The following C1QTNF9 variants were observed in gnomAD, a reference collection of about 807,000 sequenced individuals.
The protein encoded by C1QTNF9 is complement C1q and tumor necrosis factor-related protein 9A.
In C1QTNF9, 6 loss-of-function variants were observed where a neutral mutation model predicts 10.1. The observed-to-expected ratio is 0.59, with a 90% CI of 0.32 to 1.17. The LOEUF is 1.17. C1QTNF9 is among the 50% of genes most tolerant of loss of function. The pLI is 0.04. For synonymous variants in C1QTNF9, 98 were observed against 163.5 expected, an observed-to-expected ratio of 0.60 and a Z score of 3.06; for missense variants, 201 against 418.8, an observed-to-expected ratio of 0.48 and a Z score of 4.54.
chr13:24,319,940 T>G (rs546967109), intron 3 of C1QTNF9, among the ~76,000 whole-genome samples: 1 of 152,242 alleles, frequency 6.6e-6, no homozygotes, highest in Admixed American at 6.5e-5. Context: ...TGTGTGCATA[T>G]GGGGACAGAA....
chr13:24,318,228 T>G (rs1314457138), intron 2 of C1QTNF9, among the ~76,000 whole-genome samples: 1 of 152,174 alleles, frequency 6.6e-6, no homozygotes, highest in East Asian at 1.9e-4. Context: ...AGGACTTGAG[T>G]GTAGTCAGCA....
intron 1 of C1QTNF9, among the ~76,000 whole-genome samples, chr13:24,313,060 A>G (rs1284847732): frequency 1.3e-5 from 2 of 152,152 alleles, no homozygotes; most frequent in Non-Finnish European, 2.9e-5. Flanking sequence ...TTAAGCCTAG[A>G]AGTTCGAGTC....
intron 1 of C1QTNF9, among the ~76,000 whole-genome samples, chr13:24,312,100 G>T (rs1443778572): frequency 6.6e-6 from 1 of 152,192 alleles, no homozygotes; most frequent in African/African-American, 2.4e-5. Context: ...GAGATTACTA[G>T]CAACTCCACG....
intron 2 of C1QTNF9, among the ~76,000 whole-genome samples, chr13:24,316,563 G>A (rs1477551685): frequency 6.6e-6 from 1 of 152,214 alleles, no homozygotes; most frequent in East Asian, 1.9e-4. Flanking sequence ...ATCTGATCAC[G>A]AATTATTTGG....
intron 1 of C1QTNF9, among the ~76,000 whole-genome samples, chr13:24,315,342 G>A (rs1877983581): frequency 6.6e-6 from 1 of 152,136 alleles, no homozygotes; most frequent in Non-Finnish European, 1.5e-5. Context: ...TTCGCATAAT[G>A]TTCTCGAGGT....
chr13:24,310,740 C>T (rs975522224), intron 1 of C1QTNF9, among the ~76,000 whole-genome samples: 7 of 151,100 alleles, frequency 4.6e-5, no homozygotes, highest in Admixed American at 2.6e-4. Context: ...GGTGAAACCC[C>T]GTCTCTACTA....
At chr13:24,314,378 G>GA (rs758750643) in intron 1 of C1QTNF9, among the ~76,000 whole-genome samples, 17,918 of 121,822 alleles carry the variant, frequency 0.15, 1,196 homozygotes, top group Middle Eastern at 0.3. Context: ...TCTCTCCAAA[G>GA]AAAAAAAAAA....
chr13:24,312,929 T>A (rs1410325300), intron 1 of C1QTNF9, among the ~76,000 whole-genome samples: 1 of 138,250 alleles, frequency 7.2e-6, no homozygotes, highest in East Asian at 2.1e-4. Context: ...CACTCCAGCC[T>A]GGGCGACAGA....
Position 24,314,673 on chromosome 13 carries a change from GAAAAC to G in C1QTNF9, c.-22-1293_-22-1289del, listed in dbSNP as rs550750409. 2.6e-5 allele frequency among the ~76,000 whole-genome samples: 4 copies of G among 151,694 alleles called. No homozygotes were observed. In the East Asian group the frequency reaches 7.7e-4, roughly 29 times the overall value. ...GGCCACAAGGGCGAAACTGCATCTC[GAAAAC>G]AAAACAAAACAAAACCAAACCCAGG... On this transcript the variant is annotated intron_variant, in intron 1 of 3. Coordinates refer to ENST00000332018, the Ensembl canonical transcript of C1QTNF9.
chr13:24,321,647 A>C (rs1264108740), exon 4 of C1QTNF9: 1 of 1,614,112 alleles, frequency 6.2e-7, no homozygotes, highest in African/African-American at 1.3e-5. Context: ...ATTGTCCTGC[A>C]GCTGAAGCTC....
At chr13:24,309,727 C>G (rs1451419697) in intron 1 of C1QTNF9, 111 bp downstream of exon 1, 2 of 152,096 alleles carry the variant, frequency 1.3e-5, no homozygotes, top group Non-Finnish European at 2.9e-5. Flanking sequence ...GCAAAATAGT[C>G]AGATGTCTAT....
rs149229970 is a variant in C1QTNF9, at chr13:24,321,512, A to G, written c.746A>G (p.Tyr249Cys). The change falls in exon 4 of 4, where the codon TAT (tyrosine) becomes TGT (cysteine). Residue 249 changes from tyrosine to cysteine, a missense_variant. Transcript: ENST00000332018. ...TTCACGTGCCACATTGCTGGGGTCT[A>G]TTACTTCACCTACCACATCACTGTT... 12 of 1,613,568 alleles carry G rather than the reference A, an allele frequency of 7.4e-6. No homozygotes were observed. The highest frequency in any genetic ancestry group is 3.3e-5 in the South Asian group (3 of 91,010).
chr13:24,321,522 C>G lies in C1QTNF9; in HGVS notation c.756C>G (p.Thr252=), dbSNP rs371383053. The change falls in exon 4 of 4, where the codon ACC becomes ACG. Residue 252 remains threonine (T), a synonymous_variant. Coordinates refer to ENST00000332018, the Ensembl canonical transcript of C1QTNF9. ...ACATTGCTGGGGTCTATTACTTCAC[C>G]TACCACATCACTGTTTTCTCCAGAA... The G allele has an allele frequency of 1.4e-4, 226 of 1,612,972 alleles. No homozygotes were observed. In the Middle Eastern group the frequency reaches 2.8e-3, roughly 20 times the overall value.
intron 1 of C1QTNF9, among the ~76,000 whole-genome samples, chr13:24,315,215 T>C (rs962718241): frequency 5.3e-5 from 8 of 152,182 alleles, no homozygotes; most frequent in African/African-American, 1.9e-4. Flanking sequence ...CATTTCCTTC[T>C]CTCTTCACCT....
At chr13:24,317,845 G>A (rs2153662) in intron 2 of C1QTNF9, among the ~76,000 whole-genome samples, 1 of 150,616 alleles carries the variant, frequency 6.6e-6, no homozygotes, top group African/African-American at 2.5e-5. Context: ...AGCAGCCAGT[G>A]GAGGGGAGGG....
At chr13:24,310,805 G>A (rs1198288042) in intron 1 of C1QTNF9, among the ~76,000 whole-genome samples, 3 of 151,638 alleles carry the variant, frequency 2.0e-5, no homozygotes, top group African/African-American at 4.8e-5. Flanking sequence ...CCAGCTACGC[G>A]GGAGGCTGAG....
chr13:24,318,683 G>T (rs1878135790), intron 2 of C1QTNF9, 135 bp from the exon 3 acceptor site: 14 of 1,101,474 alleles, frequency 1.3e-5, no homozygotes, highest in Non-Finnish European at 1.8e-5. Context: ...ACCTGCGCTT[G>T]TGTGGAGGAC....
chr13:24,315,126 G>A (rs758087727), intron 1 of C1QTNF9, among the ~76,000 whole-genome samples: 2 of 152,122 alleles, frequency 1.3e-5, no homozygotes, highest in Non-Finnish European at 2.9e-5. Flanking sequence ...TCTTTGTTGT[G>A]CAACCATCAC....
At chr13:24,309,464 A>G (rs906088694), upstream of C1QTNF9, 1 of 151,918 alleles carries the variant, frequency 6.6e-6, no homozygotes, top group Non-Finnish European at 1.5e-5. Context: ...CTCTTCCAAG[A>G]CATCTTGGCC....
Sources: allele counts gnomAD v4.1 joint callset (sites outside exome capture counted in the v4.1 genomes callset), GRCh38; gene constraint gnomAD v4.1.1; transcripts MANE v1.5; gene names NCBI Gene and HGNC (gene_info 2026-07-23, HGNC 2026-07-21).